TRPM3: variants seen among roughly 807,000 people sequenced by gnomAD.
TRPM3 encodes long transient receptor potential channel 3.
Under a neutral mutation model 181.2 loss-of-function variants are expected in TRPM3, and 77 were observed. That is an observed-to-expected ratio of 0.42 (90% CI 0.35 to 0.51). The LOEUF (loss-of-function observed/expected upper bound fraction) is 0.51. TRPM3 is among the 20% of genes least tolerant of loss of function. The probability of loss-of-function intolerance (pLI) is 0.01; values close to 1 mark genes in which losing one functional copy is unlikely to be tolerated. For missense variants in TRPM3, 1,759 were observed against 2,196.7 expected (o/e 0.80, Z 3.98); for synonymous variants, 745 against 796.4 (o/e 0.94, Z 1.09).
intron 9 of TRPM3, among the ~76,000 whole-genome samples, chr9:70,642,553 T>C (rs1348093272): frequency 6.6e-6 from 1 of 152,162 alleles, no homozygotes. Flanking sequence ...TCGCTCAGGG[T>C]GCATCCCATA....
intron 1 of TRPM3, among the ~76,000 whole-genome samples, chr9:70,930,291 T>C (rs978453632): frequency 3.3e-5 from 5 of 152,312 alleles, no homozygotes; most frequent in African/African-American, 1.2e-4. Context: ...ATTATTATCT[T>C]TTTCACAATA....
At position 70,616,004 on chromosome 9, in the gene TRPM3, A is replaced by G; in HGVS notation, c.2430T>C (p.Tyr810=). ...GGTGGATTTCCTGGGCCTGAGACAT[A>G]TAGGGCATGTCGTCTTTGTTCTTGA... ...LEFKNKDDMP[Y]MSQAQEIHLQ... is the part of the protein sequence containing the mutation. The change falls in exon 18 of 26, where the codon TAT becomes TAC. Residue 810 remains tyrosine, a synonymous_variant. Coordinates refer to ENST00000677713, the MANE Select transcript of TRPM3 (RefSeq NM_001366145.2). 3 of 1,612,964 alleles carry G rather than the reference A, an allele frequency of 1.9e-6. No homozygotes were observed. Among genetic ancestry groups the G allele is most frequent in the Non-Finnish European group, 1.7e-6 (2 of 1,179,432 alleles).
At chr9:70,635,631 T>A (rs541727117) in intron 11 of TRPM3, among the ~76,000 whole-genome samples, 11 of 103,248 alleles carry the variant, frequency 1.1e-4, no homozygotes, top group Admixed American at 4.2e-4. Context: ...TTTGATAAAA[T>A]TTTTTTTTTT....
At chr9:71,382,363 A>C (rs1427219670) in intron 1 of TRPM3, among the ~76,000 whole-genome samples, 2 of 152,126 alleles carry the variant, frequency 1.3e-5, no homozygotes, top group Non-Finnish European at 2.9e-5. Flanking sequence ...GCTAAGTAAA[A>C]TTTTCTTGTA....
At chr9:71,368,570 G>C (rs950492970) in intron 1 of TRPM3, among the ~76,000 whole-genome samples, 2 of 114,076 alleles carry the variant, frequency 1.8e-5, no homozygotes, top group African/African-American at 2.8e-5. Context: ...CATAAAAAGT[G>C]ATCTGAAAAA....
chr9:70,621,459 G>A (rs2063631956), intron 14 of TRPM3, among the ~76,000 whole-genome samples, 186 bp from the exon 15 acceptor site: 1 of 152,010 alleles, frequency 6.6e-6, no homozygotes, highest in Non-Finnish European at 1.5e-5. Context: ...CAACCTCCCG[G>A]GCTCAAGTGA....
intron 1 of TRPM3, among the ~76,000 whole-genome samples, chr9:71,278,036 G>A (rs967001837): frequency 1.3e-5 from 2 of 152,218 alleles, no homozygotes; most frequent in African/African-American, 2.4e-5. Context: ...TTCTACCAGT[G>A]CTGGGGCTGG....
rs57538597 is a variant in TRPM3, at chr9:70,539,473, A to AT, written c.3708-2069dup. Among the ~76,000 whole-genome samples the AT allele has an allele frequency of 2.7e-3, 368 of 137,508 alleles. 2 individuals are homozygous for AT. The highest frequency in any genetic ancestry group is 5.6e-3 in the South Asian group (24 of 4,304). The allele number at this position is 137,508 out of a possible 152,430, so 90.2% of individuals were successfully genotyped here. A position where few individuals can be genotyped will look rare whatever the true frequency, so the allele number is the denominator to read the frequency against. ...CCTGCCCTCAAGAGCCCTGCTTGTA[A>AT]TTTTTTTTTTTTTTTTGCTCCCTCC... On this transcript the variant is annotated intron_variant, in intron 25 of 25. Coordinates refer to ENST00000677713, the MANE Select transcript of TRPM3 (RefSeq NM_001366145.2).
rs150364271 is a variant in TRPM3 at position 70,768,815 on chromosome 9, G to A, written c.1149-7091C>T. On this transcript the variant is annotated intron_variant, in intron 7 of 25. Transcript: ENST00000677713. ...TGAATTGCTTTATTTACTAGTGAGGGACCTGAGACAGGTTATTTGATCTCT... is the reference window on the plus strand; with the variant it reads ...TGAATTGCTTTATTTACTAGTGAGGAACCTGAGACAGGTTATTTGATCTCT... Among the ~76,000 whole-genome samples, 153 of 152,134 alleles carry A rather than the reference G, an allele frequency of 1.0e-3. 2 individuals are homozygous for A. The highest frequency in any genetic ancestry group is 3.2e-3 in the African/African-American group (132 of 41,528).
chr9:70,692,006 A>C (rs981818015), intron 8 of TRPM3, among the ~76,000 whole-genome samples: 3 of 152,180 alleles, frequency 2.0e-5, no homozygotes, highest in Non-Finnish European at 4.4e-5. Flanking sequence ...TAAAAGTCTA[A>C]AACAAAACAA....
At chr9:71,320,228 A>G (rs1041401603) in intron 1 of TRPM3, among the ~76,000 whole-genome samples, 4 of 152,168 alleles carry the variant, frequency 2.6e-5, no homozygotes, top group African/African-American at 4.8e-5. Context: ...TGTGAAAGGT[A>G]TATTAAAAAG....
intron 1 of TRPM3, among the ~76,000 whole-genome samples, chr9:71,213,887 A>T (rs1052653371): frequency 6.6e-6 from 1 of 152,214 alleles, no homozygotes; most frequent in Non-Finnish European, 1.5e-5. Flanking sequence ...TACAACAAAC[A>T]TATAATAGGA....
At position 70,640,731 on chromosome 9, in the gene TRPM3, C is replaced by A. The variant is rs1232102843; in HGVS notation, c.1346-71G>T. 5 of 1,190,778 alleles carry A rather than the reference C, an allele frequency of 4.2e-6. No individual in the cohort carries two copies. In the East Asian group the frequency reaches 7.4e-5, roughly 18 times the overall value. The allele number at this position is 1,190,778 out of a possible 1,614,324, so 73.8% of individuals were successfully genotyped here. A position where few individuals can be genotyped will look rare whatever the true frequency, so the allele number is the denominator to read the frequency against. On this transcript the variant is annotated intron_variant, in intron 9 of 25. Transcript: ENST00000677713. ...CGATCAGTTATTACACCAAGAGCGC[C>A]TGCTCCATCCCTCTGCCATTAATGC...
chr9:71,089,423 C>A (rs771155789), intron 1 of TRPM3, among the ~76,000 whole-genome samples: 1 of 151,234 alleles, frequency 6.6e-6, no homozygotes, highest in African/African-American at 2.4e-5. Context: ...AGAAAAAAGA[C>A]AATAACAGAC....
chr9:71,141,887 A>ATT (rs1467058603), intron 1 of TRPM3, among the ~76,000 whole-genome samples: 3 of 151,970 alleles, frequency 2.0e-5, no homozygotes, highest in Non-Finnish European at 4.4e-5. Context: ...CATCTTTAAT[A>ATT]TTTTTGTTGC....
chr9:70,803,455 T>G (rs2089826267), intron 6 of TRPM3, among the ~76,000 whole-genome samples: 4 of 147,960 alleles, frequency 2.7e-5, no homozygotes, highest in Admixed American at 2.0e-4. Flanking sequence ...TTTGTTGTTT[T>G]TTTTTTTTTT....
chr9:70,635,818 C>G (rs892692387), intron 11 of TRPM3, among the ~76,000 whole-genome samples: 3 of 152,018 alleles, frequency 2.0e-5, no homozygotes, highest in Non-Finnish European at 4.4e-5. Flanking sequence ...TTTCCTCAAG[C>G]AAATGTATTT....
intron 1 of TRPM3, among the ~76,000 whole-genome samples, chr9:70,971,051 C>T (rs907240261): frequency 9.2e-5 from 14 of 152,126 alleles, no homozygotes; most frequent in African/African-American, 3.1e-4. Context: ...ACAATTAATG[C>T]TGTGTATGAT....
At chr9:71,253,243 A>G (rs921672467) in intron 1 of TRPM3, among the ~76,000 whole-genome samples, 4 of 152,200 alleles carry the variant, frequency 2.6e-5, no homozygotes, top group Admixed American at 6.5e-5. Context: ...AAAAAAATTC[A>G]TCACTAGTTG....
Sources: allele counts gnomAD v4.1 joint callset (sites outside exome capture counted in the v4.1 genomes callset), GRCh38; gene constraint gnomAD v4.1.1; transcripts MANE v1.5; gene names NCBI Gene and HGNC (gene_info 2026-07-23, HGNC 2026-07-21).